ZCCHC24: variants seen among roughly 807,000 people sequenced by gnomAD.
The protein encoded by ZCCHC24 is zinc finger CCHC domain-containing protein 24.
In ZCCHC24, 10 loss-of-function variants were observed where a neutral mutation model predicts 26.2. The ratio of observed to expected loss-of-function variants is 0.38; its 90% CI spans 0.24 to 0.65. The LOEUF (loss-of-function observed/expected upper bound fraction) is 0.65, where lower values mean the gene tolerates loss of function less well. ZCCHC24 is among the 30% of genes least tolerant of loss of function. The probability of loss-of-function intolerance (pLI) is 0.54; values close to 1 mark genes in which losing one functional copy is unlikely to be tolerated. For missense variants in ZCCHC24, 243 were observed against 329.1 expected (o/e 0.74, Z 2.03); for synonymous variants, 144 against 147.1 (o/e 0.98, Z 0.15).
At chr10:79,392,675 G>C (rs1564631873) in intron 3 of ZCCHC24, among the ~76,000 whole-genome samples, 1 of 152,196 alleles carries the variant, frequency 6.6e-6, no homozygotes. Flanking sequence ...CCTCAAGAGA[G>C]TGGACAATGA....
At chr10:79,426,667 A>G (rs1469518039) in intron 2 of ZCCHC24, among the ~76,000 whole-genome samples, 1 of 152,236 alleles carries the variant, frequency 6.6e-6, no homozygotes, top group African/African-American at 2.4e-5. Context: ...ACCCTAAAAA[A>G]ATAACTCACA....
At position 79,410,177 on chromosome 10, in the gene ZCCHC24, A is replaced by G. The variant is rs1856771350; in HGVS notation, c.448-15737T>C. On this transcript the variant is annotated intron_variant, in intron 2 of 3. Coordinates refer to ENST00000372336, the MANE Select transcript of ZCCHC24 (RefSeq NM_153367.4). ...ATTTGCTCCTGCTTCATTTGTCTCT[A>G]CTCAAGTTGTCATGTCCTCAGAGAC... 2.6e-5 allele frequency among the ~76,000 whole-genome samples: 4 copies of G among 152,010 alleles called. 1 individual carries two copies. In the South Asian group the frequency reaches 8.3e-4, roughly 32 times the overall value.
chr10:79,427,526 T>C (rs528694671), intron 2 of ZCCHC24, among the ~76,000 whole-genome samples: 1 of 145,846 alleles, frequency 6.9e-6, no homozygotes, highest in East Asian at 1.9e-4. Context: ...TAGAAATCAC[T>C]AAAAGATGTG....
chr10:79,426,567 T>C (rs530708696), intron 2 of ZCCHC24, among the ~76,000 whole-genome samples: 5 of 152,278 alleles, frequency 3.3e-5, no homozygotes, highest in African/African-American at 7.2e-5. Flanking sequence ...TAGAGCTACA[T>C]AGGAGTAACA....
intron 2 of ZCCHC24, among the ~76,000 whole-genome samples, chr10:79,415,852 C>A (rs138433946): frequency 6.6e-6 from 1 of 152,296 alleles, no homozygotes; most frequent in African/African-American, 2.4e-5. Context: ...GAATTTCCTG[C>A]CAAGAACCCC....
chr10:79,421,955 G>C (rs1287956997), intron 2 of ZCCHC24, among the ~76,000 whole-genome samples: 1 of 152,122 alleles, frequency 6.6e-6, no homozygotes, highest in Non-Finnish European at 1.5e-5. Flanking sequence ...ATGACAGGCA[G>C]TCCTTAGCCC....
intron 2 of ZCCHC24, among the ~76,000 whole-genome samples, chr10:79,430,712 A>ACACACC (rs1311631405): frequency 1.3e-4 from 20 of 149,122 alleles, no homozygotes; most frequent in Admixed American, 6.0e-4. Flanking sequence ...ACACACACAC[A>ACACACC]CCCTCTGCTA....
intron 2 of ZCCHC24, among the ~76,000 whole-genome samples, chr10:79,423,693 G>T (rs1382388329): frequency 6.8e-6 from 1 of 147,542 alleles, no homozygotes; most frequent in African/African-American, 2.5e-5. Flanking sequence ...TTTCTCATCT[G>T]GTTATAAAAT....
chr10:79,413,785 A>T (rs113188970), intron 2 of ZCCHC24, among the ~76,000 whole-genome samples: 57,306 of 133,406 alleles, frequency 0.43, 11,136 homozygotes, highest in Middle Eastern at 0.47. Flanking sequence ...TGTGTGAGAG[A>T]GAGAGAGAGA....
chr10:79,439,263 C>T (rs1350858812), intron 1 of ZCCHC24, among the ~76,000 whole-genome samples: 3 of 152,248 alleles, frequency 2.0e-5, no homozygotes, highest in African/African-American at 7.2e-5. Flanking sequence ...TCAGCATACC[C>T]AAGCCTCTGC....
At chr10:79,441,731 CT>C (rs1857293769) in intron 1 of ZCCHC24, among the ~76,000 whole-genome samples, 1 of 151,984 alleles carries the variant, frequency 6.6e-6, no homozygotes, top group African/African-American at 2.4e-5. Flanking sequence ...CACAAAGTCC[CT>C]CCCCCAACAT....
intron 2 of ZCCHC24, among the ~76,000 whole-genome samples, chr10:79,404,495 A>G (rs1856681701): frequency 6.6e-6 from 1 of 152,182 alleles, no homozygotes; most frequent in Non-Finnish European, 1.5e-5. Flanking sequence ...TTCCTCCGCC[A>G]CTGCAGAGAC....
chr10:79,417,770 T>C (rs1856884211), intron 2 of ZCCHC24, among the ~76,000 whole-genome samples: 1 of 152,194 alleles, frequency 6.6e-6, no homozygotes, highest in Non-Finnish European at 1.5e-5. Flanking sequence ...GTCCTCGGGC[T>C]CCTCACCCCC....
intron 2 of ZCCHC24, among the ~76,000 whole-genome samples, chr10:79,406,305 G>A (rs1856711772): frequency 6.6e-6 from 1 of 152,116 alleles, no homozygotes; most frequent in African/African-American, 2.4e-5. Context: ...GGTCCAGAAG[G>A]CCATGGACAG....
intron 3 of ZCCHC24, among the ~76,000 whole-genome samples, chr10:79,386,973 G>A (rs998380564): frequency 3.3e-5 from 5 of 152,146 alleles, no homozygotes; most frequent in Non-Finnish European, 7.4e-5. Flanking sequence ...CCCAGCATCC[G>A]GCGCCTCTTC....
intron 3 of ZCCHC24, among the ~76,000 whole-genome samples, chr10:79,388,928 G>T (rs1443809142): frequency 6.6e-6 from 1 of 152,192 alleles, no homozygotes; most frequent in Non-Finnish European, 1.5e-5. Flanking sequence ...AGGTAGGGTG[G>T]CTGGAAAGCC....
intron 1 of ZCCHC24, among the ~76,000 whole-genome samples, chr10:79,437,440 T>C (rs1433092165): frequency 6.6e-6 from 1 of 152,206 alleles, no homozygotes; most frequent in Non-Finnish European, 1.5e-5. Context: ...AAGAATACTA[T>C]TCAAATGGGC....
At chr10:79,410,967 C>A (rs894222313) in intron 2 of ZCCHC24, among the ~76,000 whole-genome samples, 3 of 152,160 alleles carry the variant, frequency 2.0e-5, no homozygotes, top group African/African-American at 7.2e-5. Flanking sequence ...GAGGCAGGAG[C>A]TCCCCTCTTG....
intron 2 of ZCCHC24, among the ~76,000 whole-genome samples, chr10:79,398,064 C>T (rs527246030): frequency 2.8e-4 from 42 of 152,348 alleles, no homozygotes; most frequent in Non-Finnish European, 5.6e-4. Flanking sequence ...TCCGTCAGGG[C>T]GTGTGGGCTG....
Sources: gnomAD v4.1 joint callset for allele counts (sites outside exome capture counted in the v4.1 genomes callset) on GRCh38, gnomAD v4.1.1 for gene constraint, MANE v1.5 for transcripts, NCBI Gene and HGNC (gene_info 2026-07-23, HGNC 2026-07-21) for gene names.